MAGI1: variants seen among roughly 807,000 people sequenced by gnomAD.
The protein encoded by MAGI1 is membrane associated guanylate kinase, WW and PDZ domain containing 1.
Under a neutral mutation model 139.9 loss-of-function variants are expected in MAGI1, and 58 were observed. The ratio of observed to expected loss-of-function variants is 0.41; its 90% CI spans 0.34 to 0.52. The LOEUF is 0.52. Among genes scored for constraint, MAGI1 ranks in the 20% least tolerant of loss-of-function variants. The pLI is 0.12. For missense variants in MAGI1, 1,874 were observed against 1,901.6 expected (o/e 0.99, Z 0.27); for synonymous variants, 812 against 737.9 (o/e 1.10, Z -1.63).
intron 1 of MAGI1, among the ~76,000 whole-genome samples, chr3:65,872,412 C>T (rs956356900): frequency 1.1e-4 from 17 of 152,292 alleles, no homozygotes; most frequent in African/African-American, 4.1e-4. Flanking sequence ...AGCCTGTCCC[C>T]TTCTCCATTC....
chr3:65,913,595 G>A (rs1343037845), intron 1 of MAGI1, among the ~76,000 whole-genome samples: 1 of 152,134 alleles, frequency 6.6e-6, no homozygotes, highest in East Asian at 1.9e-4. Context: ...GCTGCATTGG[G>A]CAAAACAGGT....
chr3:65,728,841 C>T (rs1261946812), intron 1 of MAGI1, among the ~76,000 whole-genome samples: 1 of 151,992 alleles, frequency 6.6e-6, no homozygotes, highest in Non-Finnish European at 1.5e-5. Flanking sequence ...TCTAGTAGAA[C>T]TTGAGTGTGT....
chr3:65,627,762 TCCTGAAGTG>T (rs2084063817), intron 1 of MAGI1, among the ~76,000 whole-genome samples: 1 of 152,010 alleles, frequency 6.6e-6, no homozygotes, highest in African/African-American at 2.4e-5. Context: ...CACCTTGGCC[TCCTGAAGTG>T]CTAGGATTAC....
At chr3:65,364,107 T>C (rs759865314) in intron 20 of MAGI1, among the ~76,000 whole-genome samples, 2 of 148,700 alleles carry the variant, frequency 1.3e-5, no homozygotes, top group Admixed American at 6.8e-5. Context: ...GACAGGATGA[T>C]TGCTTGAGCC....
intron 1 of MAGI1, among the ~76,000 whole-genome samples, chr3:65,745,781 G>C (rs1384226247): frequency 6.6e-6 from 1 of 152,164 alleles, no homozygotes; most frequent in African/African-American, 2.4e-5. Flanking sequence ...CCAGGCTGGA[G>C]TACAATGGCA....
At position 65,356,511 on chromosome 3, in the gene MAGI1, T is replaced by C. The variant is rs960234854; in HGVS notation, c.4256A>G (p.Asn1419Ser). ...TCGGTGGCTGGCTCTGTCCTCTCTG[T>C]TCCTTTTGTCCAGGGACCGCTCTCT... ...RRRERSLDKRNREDRASHRER... is the reference protein window; with the variant it reads ...RRRERSLDKRSREDRASHRER... Residue 1419 changes from asparagine (N) to serine (S), a missense_variant, in exon 23 of 23, where the codon AAC becomes AGC. Coordinates refer to ENST00000402939, the MANE Select transcript of MAGI1 (RefSeq NM_001033057.2). The C allele has an allele frequency of 1.9e-6, 3 of 1,610,076 alleles. No individual in the cohort carries two copies. The highest frequency in any genetic ancestry group is 2.5e-6 in the Non-Finnish European group (3 of 1,179,618).
At chr3:66,020,204 C>G (rs561163100) in intron 1 of MAGI1, among the ~76,000 whole-genome samples, 1 of 152,314 alleles carries the variant, frequency 6.6e-6, no homozygotes, top group East Asian at 1.9e-4. Context: ...CTTTGCGAGG[C>G]TGAGGCAGAC....
intron 1 of MAGI1, among the ~76,000 whole-genome samples, chr3:65,691,307 A>AAAAAAAAAAAAAAAAAAAAG (rs1388046202): frequency 1.3e-4 from 17 of 133,758 alleles, no homozygotes; most frequent in South Asian, 4.5e-4. Context: ...CGTCTCAAAA[A>AAAAAAAAAAAAAAAAAAAAG]AAAAAAAAGA....
At chr3:65,530,551 AGGTTGCAATGAG>A (rs1330076093) in intron 2 of MAGI1, among the ~76,000 whole-genome samples, 1 of 150,084 alleles carries the variant, frequency 6.7e-6, no homozygotes, top group East Asian at 2.0e-4. Context: ...CAGGAGGCAG[AGGTTGCAATGAG>A]CCAAGATTGC....
At chr3:65,740,833 T>C (rs2035198465) in intron 1 of MAGI1, among the ~76,000 whole-genome samples, 1 of 152,220 alleles carries the variant, frequency 6.6e-6, no homozygotes, top group Non-Finnish European at 1.5e-5. Context: ...CTTGTAAATA[T>C]GTGACCCCAT....
At chr3:65,538,014 A>T (rs2079038732) in intron 2 of MAGI1, among the ~76,000 whole-genome samples, 1 of 152,182 alleles carries the variant, frequency 6.6e-6, no homozygotes, top group Non-Finnish European at 1.5e-5. Flanking sequence ...GGGTGCCTGT[A>T]ATCCCAGCTA....
Position 65,368,469 on chromosome 3 carries a change from C to T in MAGI1, c.3197-3523G>A, listed in dbSNP as rs755109751. On this transcript the variant is annotated intron_variant, in intron 18 of 22. Coordinates refer to ENST00000402939, the MANE Select transcript of MAGI1 (RefSeq NM_001033057.2). Reference sequence around the variant, plus strand: ...GGACTATTCCAAATCTCGGCACTTACTCTTCCAACAGCAGCTTCCATCTTG... The same window carrying T: ...GGACTATTCCAAATCTCGGCACTTATTCTTCCAACAGCAGCTTCCATCTTG... Among the ~76,000 whole-genome samples, 45 of 152,366 alleles carry T rather than the reference C, an allele frequency of 3.0e-4. No individual in the cohort carries two copies. In the Middle Eastern group the frequency reaches 0.014, roughly 46 times the overall value.
At chr3:65,964,986 C>CTTA (rs1236152455) in intron 1 of MAGI1, among the ~76,000 whole-genome samples, 1 of 152,240 alleles carries the variant, frequency 6.6e-6, no homozygotes. Flanking sequence ...GCCAAGGACT[C>CTTA]TTTCATAAAG....
At chr3:65,853,233 A>T (rs111745626) in intron 1 of MAGI1, among the ~76,000 whole-genome samples, 1 of 152,200 alleles carries the variant, frequency 6.6e-6, no homozygotes, top group East Asian at 1.9e-4. Context: ...TTGTTAATTC[A>T]TAACTCAAGA....
chr3:65,408,831 G>A (rs1208031750), intron 12 of MAGI1, among the ~76,000 whole-genome samples: 2 of 152,190 alleles, frequency 1.3e-5, no homozygotes, highest in Non-Finnish European at 2.9e-5. Flanking sequence ...ACTCACTCAT[G>A]TAACCAAACT....
At chr3:65,709,163 T>C (rs1038449715) in intron 1 of MAGI1, among the ~76,000 whole-genome samples, 2 of 152,214 alleles carry the variant, frequency 1.3e-5, no homozygotes, top group African/African-American at 4.8e-5. Context: ...GTGACAGAAA[T>C]GTGCTCAGCA....
intron 2 of MAGI1, among the ~76,000 whole-genome samples, chr3:65,597,343 T>A (rs2082260368): frequency 7.0e-6 from 1 of 142,050 alleles, no homozygotes; most frequent in African/African-American, 2.6e-5. Context: ...ATGCACTTCA[T>A]TAAAATTTAG....
intron 2 of MAGI1, among the ~76,000 whole-genome samples, chr3:65,564,640 G>A (rs1282359538): frequency 1.3e-5 from 2 of 152,146 alleles, no homozygotes; most frequent in African/African-American, 4.8e-5. Context: ...AATCCCCTGG[G>A]AAATTAAACA....
chr3:65,379,126 A>G, intron 17 of MAGI1, 135 bp downstream of exon 17: 1 of 1,528,978 alleles, frequency 6.5e-7, no homozygotes, highest in Non-Finnish European at 8.8e-7. Context: ...ATCTCCAATT[A>G]AGTCTTTAAT....
Sources: allele counts gnomAD v4.1 joint callset (sites outside exome capture counted in the v4.1 genomes callset), GRCh38; gene constraint gnomAD v4.1.1; transcripts MANE v1.5; gene names NCBI Gene and HGNC (gene_info 2026-07-23, HGNC 2026-07-21).